The following SOX5 variants were observed in gnomAD, a reference collection of about 807,000 sequenced individuals.
SOX5 encodes the protein transcription factor SOX-5.
Under a neutral mutation model 92.0 loss-of-function variants are expected in SOX5, and 9 were observed. That is an observed-to-expected ratio of 0.10 (90% CI 0.06 to 0.17). The LOEUF is 0.17. Ranked by LOEUF, SOX5 falls within the 10% of genes least tolerant of loss-of-function variation. SOX5 has a pLI of 1.00. For synonymous variants in SOX5, 344 were observed against 336.3 expected, an observed-to-expected ratio of 1.02 and a Z score of -0.25; for missense variants, 642 against 944.5, an observed-to-expected ratio of 0.68 and a Z score of 4.20.
intron 7 of SOX5, among the ~76,000 whole-genome samples, chr12:23,653,619 C>T (rs1477754867): frequency 6.6e-6 from 1 of 152,014 alleles, no homozygotes; most frequent in African/African-American, 2.4e-5. Flanking sequence ...AATAAGGGCA[C>T]CAGCAAATTC....
At chr12:24,143,190 T>C (rs969218378) in intron 4 of SOX5, among the ~76,000 whole-genome samples, 3 of 152,194 alleles carry the variant, frequency 2.0e-5, no homozygotes, top group African/African-American at 7.2e-5. Context: ...CCCAAAGGGA[T>C]TGATCTGCTT....
At chr12:24,037,936 G>C (rs1457559705) in intron 4 of SOX5, among the ~76,000 whole-genome samples, 2 of 152,030 alleles carry the variant, frequency 1.3e-5, no homozygotes, top group African/African-American at 4.8e-5. Context: ...ACCGAAACTT[G>C]ACACTTGAAC....
At chr12:24,249,727 C>T (rs1939642722) in intron 3 of SOX5, among the ~76,000 whole-genome samples, 1 of 152,178 alleles carries the variant, frequency 6.6e-6, no homozygotes, top group South Asian at 2.1e-4. Context: ...CTGGAAACCA[C>T]CTCACTGAAA....
At chr12:23,950,934 A>G, upstream of SOX5, 1 of 1,452,858 alleles carries the variant, frequency 6.9e-7, no homozygotes, top group South Asian at 1.2e-5. Context: ...GAGTAAGCAC[A>G]CACTTACCAA....
In SOX5 at chr12:24,246,413, A is replaced by G. The variant is rs574575485; in HGVS notation, c.-77+30803T>C. Among the ~76,000 whole-genome samples the G allele has an allele frequency of 1.3e-4, 20 of 152,260 alleles. No homozygotes were observed. The East Asian group carries it at 3.3e-3, about 25-fold the overall frequency. On this transcript the variant is annotated intron_variant, in intron 3 of 4. Transcript: ENST00000446891. Reference sequence around the variant, plus strand: ...AAGGAAATTACAATAATAATTCAACACCAATGATTATCAACCTAGCATCAT... The same window carrying G: ...AAGGAAATTACAATAATAATTCAACGCCAATGATTATCAACCTAGCATCAT...
At chr12:24,087,127 A>T (rs754540632) in intron 4 of SOX5, among the ~76,000 whole-genome samples, 6 of 152,010 alleles carry the variant, frequency 3.9e-5, no homozygotes, top group South Asian at 2.1e-4. Flanking sequence ...TTACAGTACA[A>T]CCACATGCTT....
chr12:24,184,837 C>T (rs1352582910), intron 4 of SOX5, among the ~76,000 whole-genome samples: 3 of 152,056 alleles, frequency 2.0e-5, no homozygotes, highest in Admixed American at 1.3e-4. Context: ...AGATTTTTGG[C>T]TCAAAATGAG....
At chr12:24,555,343 T>C (rs1953665340) in intron 1 of SOX5, among the ~76,000 whole-genome samples, 1 of 152,242 alleles carries the variant, frequency 6.6e-6, no homozygotes, top group Non-Finnish European at 1.5e-5. Context: ...ATAGCTGGTG[T>C]ACGGTTTATA....
At chr12:24,359,978 T>C (rs1016751804) in intron 2 of SOX5, among the ~76,000 whole-genome samples, 3 of 151,996 alleles carry the variant, frequency 2.0e-5, no homozygotes, top group Non-Finnish European at 4.4e-5. Context: ...ATTAGTGGAA[T>C]TGTATAGAGA....
chr12:24,291,732 A>G (rs2140513430), intron 2 of SOX5, among the ~76,000 whole-genome samples: 1 of 152,364 alleles, frequency 6.6e-6, no homozygotes, highest in South Asian at 2.1e-4. Flanking sequence ...TTGGAATTAG[A>G]AAGTGAGGTG....
intron 1 of SOX5, among the ~76,000 whole-genome samples, chr12:24,546,737 A>T (rs950445376): frequency 2.0e-5 from 3 of 152,312 alleles, no homozygotes; most frequent in Admixed American, 6.5e-5. Flanking sequence ...ATAACTGATA[A>T]AAAGTTGGTG....
At chr12:23,893,499 C>G (rs2097148941) in intron 2 of SOX5, among the ~76,000 whole-genome samples, 1 of 151,934 alleles carries the variant, frequency 6.6e-6, no homozygotes, top group Non-Finnish European at 1.5e-5. Flanking sequence ...ATTACAGCAT[C>G]CCCTCATGAA....
At chr12:24,021,026 T>G (rs1367386332) in intron 4 of SOX5, among the ~76,000 whole-genome samples, 4 of 152,152 alleles carry the variant, frequency 2.6e-5, no homozygotes, top group African/African-American at 9.7e-5. Flanking sequence ...CTGAGAAAGG[T>G]CTTCACCAGC....
At chr12:24,269,173 A>AG (rs1157250432) in intron 3 of SOX5, among the ~76,000 whole-genome samples, 4 of 152,200 alleles carry the variant, frequency 2.6e-5, no homozygotes, top group African/African-American at 9.7e-5. Flanking sequence ...AGGGTGACTG[A>AG]GGGAAAAAAG....
At chr12:23,870,318 A>C (rs1027892729) in intron 2 of SOX5, among the ~76,000 whole-genome samples, 1 of 152,154 alleles carries the variant, frequency 6.6e-6, no homozygotes, top group African/African-American at 2.4e-5. Flanking sequence ...AACCATCTGA[A>C]ATTCAACTAG....
At chr12:23,558,707 A>G (rs989605705) in intron 11 of SOX5, among the ~76,000 whole-genome samples, 12 of 152,152 alleles carry the variant, frequency 7.9e-5, no homozygotes, top group Admixed American at 6.5e-4. Context: ...GGTTCAAGTG[A>G]TTCTCCTGCC....
chr12:24,220,555 C>T (rs865797331), intron 3 of SOX5, among the ~76,000 whole-genome samples: 1 of 152,082 alleles, frequency 6.6e-6, no homozygotes, highest in Non-Finnish European at 1.5e-5. Context: ...ACAAAACATA[C>T]ATAGGTTATA....
intron 2 of SOX5, among the ~76,000 whole-genome samples, chr12:24,324,245 C>T (rs1194167872): frequency 3.9e-5 from 6 of 151,916 alleles, no homozygotes; most frequent in African/African-American, 1.4e-4. Context: ...AAATCCCAGT[C>T]ATATTCACAA....
At chr12:24,405,865 C>T (rs1335763788) in intron 1 of SOX5, among the ~76,000 whole-genome samples, 2 of 152,140 alleles carry the variant, frequency 1.3e-5, no homozygotes, top group Non-Finnish European at 2.9e-5. Context: ...GGGGAAGAGG[C>T]TTTAAGAGGC....
Sources: gnomAD v4.1 joint callset for allele counts (sites outside exome capture counted in the v4.1 genomes callset) on GRCh38, gnomAD v4.1.1 for gene constraint, MANE v1.5 for transcripts, NCBI Gene and HGNC (gene_info 2026-07-23, HGNC 2026-07-21) for gene names.